TPP2: variants seen among roughly 807,000 people sequenced by gnomAD.
The protein encoded by TPP2 is tripeptidyl peptidase 2.
In TPP2, 34 loss-of-function variants were observed where a neutral mutation model predicts 155.9. That is an observed-to-expected ratio of 0.22 (90% CI 0.17 to 0.29). The LOEUF (loss-of-function observed/expected upper bound fraction) is 0.29, where lower values mean the gene tolerates loss of function less well. Ranked by LOEUF, TPP2 falls within the 10% of genes least tolerant of loss-of-function variation. The pLI is 1.00. For missense variants in TPP2, 1,028 were observed against 1,522.3 expected (o/e 0.68, Z 5.40); for synonymous variants, 510 against 529.4 (o/e 0.96, Z 0.50).
intron 24 of TPP2, 81 bp from the exon 25 acceptor site, chr13:102,656,975 A>G: frequency 7.0e-7 from 1 of 1,436,270 alleles, no homozygotes; most frequent in Non-Finnish European, 9.4e-7. Flanking sequence ...CCCATGTTAC[A>G]TGACATGTAG....
At chr13:102,677,682 G>T (rs1885368731) in intron 29 of TPP2, among the ~76,000 whole-genome samples, 2 of 152,088 alleles carry the variant, frequency 1.3e-5, no homozygotes, top group Admixed American at 1.3e-4. Flanking sequence ...AAACTCAACT[G>T]GAGTATCACC....
At chr13:102,614,253 G>T in intron 3 of TPP2, 57 bp downstream of exon 3, 2 of 1,374,432 alleles carry the variant, frequency 1.5e-6, no homozygotes, top group Non-Finnish European at 2.0e-6. Flanking sequence ...TTCTTCCTCA[G>T]ATTTTATTCC....
chr13:102,618,645 G>A, intron 4 of TPP2, 77 bp from the exon 5 acceptor site: 9 of 1,512,372 alleles, frequency 6.0e-6, no homozygotes, highest in Non-Finnish European at 8.0e-6. Context: ...GATTAACATT[G>A]TATCTTTGGC....
chr13:102,627,224 T>C (rs1399408538), intron 7 of TPP2, 58 bp downstream of exon 7: 1 of 1,487,260 alleles, frequency 6.7e-7, no homozygotes, highest in South Asian at 1.5e-5. Flanking sequence ...TTGGATATTT[T>C]TAGGTTTATA....
intron 2 of TPP2, among the ~76,000 whole-genome samples, chr13:102,606,793 A>C (rs548040535): frequency 6.6e-6 from 1 of 152,324 alleles, no homozygotes; most frequent in East Asian, 1.9e-4. Context: ...TCTGCCTGTC[A>C]TGGGCAGATA....
chr13:102,658,588 T>C (rs1235264515), intron 25 of TPP2, among the ~76,000 whole-genome samples: 1 of 152,150 alleles, frequency 6.6e-6, no homozygotes, highest in East Asian at 1.9e-4. Context: ...CTGGAAATGG[T>C]CCAAAGGACA....
In TPP2 at chr13:102,614,312, TG is replaced by T. The variant is rs546024295; in HGVS notation, c.390+119del. ...ATAAAATCTCATTAACTTAGTTTTT[TG>T]GGTGGTTGGTGGCTTTCAAACAATG... On this transcript the variant is annotated intron_variant, in intron 3 of 29. Coordinates refer to ENST00000376052, the MANE Select transcript of TPP2 (RefSeq NM_001330588.2). The T allele has an allele frequency of 9.4e-5, 84 of 896,578 alleles. No individual in the cohort carries two copies. In the South Asian group the frequency reaches 1.4e-3, roughly 15 times the overall value. 55.5% of individuals were successfully genotyped at this position (896,578 alleles called of 1,614,324 possible).
At chr13:102,652,401 T>TAC (rs1883562603) in intron 24 of TPP2, among the ~76,000 whole-genome samples, 22 of 1,652 alleles carry the variant, frequency 0.013, 1 homozygote, top group African/African-American at 0.1. Context: ...TACATACATA[T>TAC]ATATATATAT....
chr13:102,659,576 C>CAAAA, intron 25 of TPP2, among the ~76,000 whole-genome samples: 1 of 152,198 alleles, frequency 6.6e-6, no homozygotes, highest in South Asian at 2.1e-4. Context: ...TCAGAGTGCT[C>CAAAA]AAAAATCTCA....
At chr13:102,667,064 G>A (rs1473660227) in intron 27 of TPP2, among the ~76,000 whole-genome samples, 2 of 152,108 alleles carry the variant, frequency 1.3e-5, no homozygotes, top group Admixed American at 1.3e-4. Context: ...TATACAAGAT[G>A]CTATCAGGAA....
Position 102,646,371 on chromosome 13 carries a change from T to C in TPP2, c.2471T>C (p.Leu824Pro). The C allele has an allele frequency of 6.2e-7, 1 of 1,612,716 alleles. No homozygotes were observed. Among genetic ancestry groups the C allele is most frequent in the Non-Finnish European group, 8.5e-7 (1 of 1,179,470 alleles). Residue 824 changes from leucine to proline, a missense_variant, in exon 20 of 30, where the codon CTG becomes CCG. Physicochemically the swap from Leu to Pro is moderately conservative, Grantham distance 98. Around this residue, in one of 7 missense-constraint regions of TPP2, gnomAD observed 325 missense variants for 463.7 expected, o/e 0.70. Coordinates refer to ENST00000376052, the MANE Select transcript of TPP2 (RefSeq NM_001330588.2). ...AACCGTCAACTTTATGAGATGGTCC[T>C]GACATATAACTTTCATCAAGTAAGT... ...PNNRQLYEMV[L>P]TYNFHQPKSG...
At chr13:102,661,633 T>C (rs1228075494) in intron 25 of TPP2, among the ~76,000 whole-genome samples, 1 of 152,178 alleles carries the variant, frequency 6.6e-6, no homozygotes, top group Non-Finnish European at 1.5e-5. Context: ...TGAATAGATA[T>C]TTCTATAAAG....
intron 10 of TPP2, among the ~76,000 whole-genome samples, chr13:102,633,384 C>A (rs1441478976): frequency 6.6e-6 from 1 of 150,492 alleles, no homozygotes. Context: ...ACAAAAAAAA[C>A]AATGTAAACT....
intron 26 of TPP2, among the ~76,000 whole-genome samples, chr13:102,664,550 A>G (rs564768190): frequency 3.0e-4 from 45 of 152,318 alleles, no homozygotes; most frequent in African/African-American, 1.0e-3. Flanking sequence ...TACTCTCACC[A>G]TTGTACTCCA....
chr13:102,645,917 C>A (rs1362965426), intron 19 of TPP2, among the ~76,000 whole-genome samples: 1 of 152,188 alleles, frequency 6.6e-6, no homozygotes, highest in African/African-American at 2.4e-5. Context: ...CTGTGCTGCA[C>A]ACAACACAGT....
At chr13:102,629,912 A>G (rs1299606147) in intron 9 of TPP2, among the ~76,000 whole-genome samples, 184 bp from the exon 10 acceptor site, 3 of 152,214 alleles carry the variant, frequency 2.0e-5, no homozygotes, top group Admixed American at 2.0e-4. Flanking sequence ...CCAAAAGCAA[A>G]GTTCTTAGTA....
intron 6 of TPP2, among the ~76,000 whole-genome samples, chr13:102,625,153 C>T (rs1278098178): frequency 1.5e-5 from 2 of 134,640 alleles, no homozygotes; most frequent in Non-Finnish European, 3.1e-5. Context: ...CCACCACGCC[C>T]GGCCACTTAA....
intron 27 of TPP2, among the ~76,000 whole-genome samples, chr13:102,672,658 C>T (rs563685694): frequency 3.9e-5 from 6 of 152,116 alleles, no homozygotes; most frequent in Non-Finnish European, 7.4e-5. Flanking sequence ...TAGTTGTGCC[C>T]GACACCTTGG....
intron 1 of TPP2, among the ~76,000 whole-genome samples, chr13:102,604,325 C>T (rs1046337780): frequency 1.3e-5 from 2 of 152,144 alleles, no homozygotes; most frequent in Admixed American, 1.3e-4. Flanking sequence ...TGTTGAAAAC[C>T]CCACACTGAC....
Sources: allele counts gnomAD v4.1 joint callset (sites outside exome capture counted in the v4.1 genomes callset), GRCh38; gene constraint gnomAD v4.1.1; regional missense constraint gnomAD v4.1.1; transcripts MANE v1.5; gene names NCBI Gene and HGNC (gene_info 2026-07-23, HGNC 2026-07-21).